The following ADCY3 variants were observed in gnomAD, a reference collection of about 807,000 sequenced individuals.
ADCY3 encodes the protein adenylate cyclase 3.
ADCY3 carries 70 observed loss-of-function variants against 119.4 expected under a neutral mutation model. The ratio of observed to expected loss-of-function variants is 0.59; its 90% CI spans 0.48 to 0.72. ADCY3 has a LOEUF of 0.72. Among genes scored for constraint, ADCY3 ranks in the 30% least tolerant of loss-of-function variants. The pLI is 0.00. For synonymous variants in ADCY3, 672 were observed against 621.4 expected, an observed-to-expected ratio of 1.08 and a Z score of -1.21; for missense variants, 1,238 against 1,541.6, an observed-to-expected ratio of 0.80 and a Z score of 3.30.
At chr2:24,889,653 G>A (rs1438575040) in intron 2 of ADCY3, among the ~76,000 whole-genome samples, 3 of 152,194 alleles carry the variant, frequency 2.0e-5, no homozygotes, top group Admixed American at 6.5e-5. Context: ...CCTGGCCAAC[G>A]TGGTGAAATC....
rs1424419849 is a variant in ADCY3, at chr2:24,826,067, C to T, written c.2555G>A (p.Ser852Asn). ...CACGTGGCGGGAGAAGTAGTAGAAG[C>T]TGAGCATCATGAGGAACACCATCAC... ...MTVMVFLMML[S>N]FYYFSRHVEK... The change falls in exon 16 of 22, where the codon AGC (serine) becomes AAC (asparagine). Residue 852 changes from serine to asparagine, a missense_variant. Physicochemically the swap from Ser to Asn is conservative, Grantham distance 46. Around this residue, in one of 7 missense-constraint regions of ADCY3, gnomAD observed 499 missense variants for 571.0 expected, o/e 0.87. Coordinates refer to ENST00000679454, the MANE Select transcript of ADCY3 (RefSeq NM_004036.5). 1.9e-6 allele frequency: 3 copies of T among 1,613,996 alleles called. No homozygotes were observed. The highest frequency in any genetic ancestry group is 2.5e-6 in the Non-Finnish European group (3 of 1,180,018).
chr2:24,889,414 C>T (rs1184632376), intron 2 of ADCY3, among the ~76,000 whole-genome samples: 1 of 152,202 alleles, frequency 6.6e-6, no homozygotes, highest in African/African-American at 2.4e-5. Flanking sequence ...GTTGCCGGGG[C>T]ATCACACACA....
intron 2 of ADCY3, among the ~76,000 whole-genome samples, chr2:24,876,771 A>C (rs1431413263): frequency 1.3e-5 from 2 of 152,146 alleles, no homozygotes; most frequent in Non-Finnish European, 2.9e-5. Flanking sequence ...CCCAGGAAAA[A>C]ATTCTGCCTC....
chr2:24,841,712 G>T lies in ADCY3; in HGVS notation c.957-45C>A. ...TGGGGGTGACGCTCCAGGCAGCCAGGTGTACCCGACCCCACTGCCAGCTCC... is the reference window on the plus strand; with the variant it reads ...TGGGGGTGACGCTCCAGGCAGCCAGTTGTACCCGACCCCACTGCCAGCTCC... On this transcript the variant is annotated intron_variant, in intron 4 of 21. Coordinates refer to ENST00000679454, the MANE Select transcript of ADCY3 (RefSeq NM_004036.5). The surrounding 1 kb of genome is among the most constrained non-coding windows in gnomAD (Gnocchi z 5.8). The T allele has an allele frequency of 1.3e-6, 2 of 1,503,670 alleles. No individual in the cohort carries two copies. The highest frequency in any genetic ancestry group is 1.8e-6 in the Non-Finnish European group (2 of 1,086,020). The allele number at this position is 1,503,670 out of a possible 1,614,324, so 93.1% of individuals were successfully genotyped here.
intron 3 of ADCY3, among the ~76,000 whole-genome samples, chr2:24,856,712 G>A (rs972632520): frequency 4.6e-5 from 7 of 152,200 alleles, no homozygotes; most frequent in Non-Finnish European, 1.0e-4. Flanking sequence ...CAAGAGATGT[G>A]TTCCCCACCT....
chr2:24,828,704 C>T (rs541473432), intron 13 of ADCY3, among the ~76,000 whole-genome samples: 2 of 152,252 alleles, frequency 1.3e-5, no homozygotes, highest in Non-Finnish European at 1.5e-5. Flanking sequence ...ATCAACCCCC[C>T]CTTTTTGTAA....
chr2:24,914,668 T>C (rs1664223458), intron 2 of ADCY3, among the ~76,000 whole-genome samples: 3 of 124,802 alleles, frequency 2.4e-5, no homozygotes, highest in African/African-American at 3.6e-5. Context: ...AGAATGAAAC[T>C]CTGTCTCAAA....
At position 24,819,827 on chromosome 2, in the gene ADCY3, TA is replaced by T; in HGVS notation, c.*104del. 3 of 1,257,246 alleles carry T rather than the reference TA, an allele frequency of 2.4e-6. No individual in the cohort carries two copies. The East Asian group carries it at 7.7e-5, about 32-fold the overall frequency. 77.9% of individuals were successfully genotyped at this position (1,257,246 alleles called of 1,614,324 possible). A position where few individuals can be genotyped will look rare whatever the true frequency, so the allele number is the denominator to read the frequency against. On this transcript the variant is annotated 3_prime_UTR_variant, in exon 22 of 22. Coordinates refer to ENST00000679454, the MANE Select transcript of ADCY3 (RefSeq NM_004036.5). ...TGAAGGCTGAGGAGGTTTCTAAACC[TA>T]AAGTCCATGAGTGTGCACTTCAATC...
intron 2 of ADCY3, among the ~76,000 whole-genome samples, chr2:24,879,452 C>CAAA (rs34029858): frequency 3.5e-4 from 23 of 66,034 alleles, no homozygotes; most frequent in African/African-American, 8.7e-4. Context: ...GACTCTGTCT[C>CAAA]AAAAAAAAAA....
Position 24,878,089 on chromosome 2 carries a change from G to A in ADCY3, c.676-5370C>T. The A allele has an allele frequency of 3.9e-6, 1 of 259,058 alleles. No homozygotes were observed. Among genetic ancestry groups the A allele is most frequent in the East Asian group, 1.1e-4 (1 of 9,492 alleles). 16.0% of individuals were successfully genotyped at this position (259,058 alleles called of 1,614,324 possible). On this transcript the variant is annotated intron_variant, in intron 2 of 21. Transcript: ENST00000679454. The surrounding 1 kb of genome is among the most constrained non-coding windows in gnomAD (Gnocchi z 4.0). ...TTTTTACAAGTTTCTTAATCCTAAAGTTTTCCTGGAAATAACTTATTTCAA... is the reference window on the plus strand; with the variant it reads ...TTTTTACAAGTTTCTTAATCCTAAAATTTTCCTGGAAATAACTTATTTCAA...
At chr2:24,866,339 A>G (rs572645001) in intron 3 of ADCY3, among the ~76,000 whole-genome samples, 6 of 152,232 alleles carry the variant, frequency 3.9e-5, no homozygotes, top group Admixed American at 3.3e-4. Context: ...CCAGGTGGCT[A>G]AAGTGGGAGG....
chr2:24,886,468 T>C (rs373540106), intron 2 of ADCY3, among the ~76,000 whole-genome samples: 155 of 152,214 alleles, frequency 1.0e-3, no homozygotes, highest in Admixed American at 1.8e-3. Context: ...CACCCGGACC[T>C]TGCAAAGGGC....
intron 3 of ADCY3, among the ~76,000 whole-genome samples, chr2:24,843,434 T>C (rs1671283224): frequency 6.6e-6 from 1 of 152,216 alleles, no homozygotes; most frequent in Non-Finnish European, 1.5e-5. Flanking sequence ...GGTCTTGCCA[T>C]GTTGCCCAAG....
At chr2:24,915,811 G>A (rs1252102253) in intron 2 of ADCY3, among the ~76,000 whole-genome samples, 2 of 152,222 alleles carry the variant, frequency 1.3e-5, no homozygotes, top group East Asian at 3.8e-4. Context: ...AAAGTTCTGG[G>A]ATTACAGGCA....
chr2:24,835,863 G>A lies in ADCY3; in HGVS notation c.1663-927C>T, dbSNP rs192703603. ...AGGCAGGAGAATCTCTTGCACCCGG[G>A]AGGCAGAGGTTGCAGTGAGCCAAGA... On this transcript the variant is annotated intron_variant, in intron 9 of 21. Coordinates refer to ENST00000679454, the MANE Select transcript of ADCY3 (RefSeq NM_004036.5). Among the ~76,000 whole-genome samples, 701 of 151,918 alleles carry A rather than the reference G, an allele frequency of 4.6e-3. 8 individuals carry two copies. Among genetic ancestry groups the A allele is most frequent in the African/African-American group, 0.015 (635 of 41,394 alleles).
intron 3 of ADCY3, among the ~76,000 whole-genome samples, chr2:24,855,874 G>C (rs528216582): frequency 6.6e-6 from 1 of 152,174 alleles, no homozygotes; most frequent in Non-Finnish European, 1.5e-5. Context: ...ACAGGGCTCC[G>C]AGAAGGAACC....
At chr2:24,825,058 G>A (rs568693420) in intron 16 of ADCY3, among the ~76,000 whole-genome samples, 2 of 152,280 alleles carry the variant, frequency 1.3e-5, no homozygotes, top group South Asian at 4.1e-4. Context: ...CAGAGATCCA[G>A]GAGGCCTTCC....
chr2:24,853,021 T>G lies in ADCY3; in HGVS notation c.826-10637A>C, dbSNP rs971277561. Among the ~76,000 whole-genome samples the G allele has an allele frequency of 2.2e-4, 9 of 40,616 alleles. No homozygotes were observed. The East Asian group carries it at 2.4e-3, about 11-fold the overall frequency. The allele number at this position is 40,616 out of a possible 152,430, so 26.6% of individuals were successfully genotyped here. A position where few individuals can be genotyped will look rare whatever the true frequency, so the allele number is the denominator to read the frequency against. On this transcript the variant is annotated intron_variant, in intron 3 of 21. Coordinates refer to ENST00000679454, the MANE Select transcript of ADCY3 (RefSeq NM_004036.5). The stretch of plus-strand genomic sequence containing the variant: ...CAGCTGGAGGGTGTGTGTGTGTGTG[T>G]GTGTGTGTGTGTGTGTGTGTGTGTG...
At chr2:24,890,334 CATAAA>C (rs1677521305) in intron 2 of ADCY3, among the ~76,000 whole-genome samples, 2 of 152,086 alleles carry the variant, frequency 1.3e-5, no homozygotes, top group Admixed American at 6.5e-5. Context: ...ATATTGAATT[CATAAA>C]ATAAGTTGGG....
Sources: gnomAD v4.1 joint callset for allele counts (sites outside exome capture counted in the v4.1 genomes callset) on GRCh38, gnomAD v4.1.1 for gene constraint, gnomAD v4.1.1 regional missense constraint, Gnocchi (gnomAD v3.1) non-coding constraint, MANE v1.5 for transcripts, NCBI Gene and HGNC (gene_info 2026-07-23, HGNC 2026-07-21) for gene names.